RRN3: variants seen among roughly 807,000 people sequenced by gnomAD.
RRN3 encodes the protein RNA polymerase I transcription factor RRN3.
RRN3 carries 38 observed loss-of-function variants against 82.3 expected under a neutral mutation model. The observed-to-expected ratio is 0.46, with a 90% CI of 0.36 to 0.61. The LOEUF (loss-of-function observed/expected upper bound fraction) is 0.61. RRN3 is among the 20% of genes least tolerant of loss of function. The probability of loss-of-function intolerance (pLI) is 0.00; values close to 1 mark genes in which losing one functional copy is unlikely to be tolerated. For synonymous variants in RRN3, 284 were observed against 284.3 expected, an observed-to-expected ratio of 1.00 and a Z score of 0.01; for missense variants, 726 against 793.1, an observed-to-expected ratio of 0.92 and a Z score of 1.02.
In RRN3 at chr16:15,063,214, G is replaced by A. The variant is rs1383490570; in HGVS notation, c.1776C>T (p.Phe592=). 3 of 1,611,308 alleles carry A rather than the reference G, an allele frequency of 1.9e-6. No homozygotes were observed. Among genetic ancestry groups the A allele is most frequent in the South Asian group, 1.1e-5 (1 of 91,026 alleles). The part of the protein sequence containing the change: ...EDMSAEELQE[F]KKPMKKDIVE... ...AACTGACCTTTTTCATGGGTTTCTT[G>A]AACTCCTGTAGCTCTTCAGCACTCA... The change falls in exon 17 of 18, where the codon TTC becomes TTT. Residue 592 remains phenylalanine (F), a synonymous_variant. Coordinates refer to ENST00000198767, the MANE Select transcript of RRN3 (RefSeq NM_018427.5).
In RRN3 at chr16:15,074,865, T is replaced by G; in HGVS notation, c.859-4A>C. On this transcript the variant is annotated splice_polypyrimidine_tract_variant and splice_region_variant and intron_variant, in intron 10 of 17. Coordinates refer to ENST00000198767, the MANE Select transcript of RRN3 (RefSeq NM_018427.5). ...GTTCAGTTTCTTCATCTTCATCCTT[T>G]GAAGACAAAAAGTAAATACTAACAT... 9 of 1,603,664 alleles carry G rather than the reference T, an allele frequency of 5.6e-6. No homozygotes were observed. The highest frequency in any genetic ancestry group is 7.7e-6 in the Non-Finnish European group (9 of 1,175,794).
At chr16:15,088,744 A>G (rs1398723276) in intron 3 of RRN3, among the ~76,000 whole-genome samples, 1 of 152,202 alleles carries the variant, frequency 6.6e-6, no homozygotes, top group African/African-American at 2.4e-5. Flanking sequence ...AACGTTCAGT[A>G]TGGCAGGCAT....
chr16:15,086,885 A>G (rs141480657), intron 3 of RRN3, among the ~76,000 whole-genome samples: 1 of 152,198 alleles, frequency 6.6e-6, no homozygotes, highest in Non-Finnish European at 1.5e-5. Context: ...AGGCTGATCA[A>G]TTGGGGTCAT....
intron 8 of RRN3, among the ~76,000 whole-genome samples, chr16:15,083,298 C>A (rs982067679): frequency 1.3e-5 from 2 of 152,076 alleles, no homozygotes; most frequent in Non-Finnish European, 2.9e-5. Context: ...AATGGGGAGG[C>A]TGAGGCAGGA....
intron 3 of RRN3, among the ~76,000 whole-genome samples, chr16:15,089,786 CAAA>C (rs142235345): frequency 8.3e-3 from 552 of 66,518 alleles, no homozygotes; most frequent in Middle Eastern, 0.016. Context: ...GGCGACAGAG[CAAA>C]AAAAAAAAAA....
intron 9 of RRN3, among the ~76,000 whole-genome samples, chr16:15,079,586 G>C (rs2045609418): frequency 7.6e-6 from 1 of 131,562 alleles, no homozygotes; most frequent in East Asian, 2.2e-4. Flanking sequence ...TGGTGCTAGT[G>C]GTTTCTTTTC....
intron 7 of RRN3, chr16:15,083,890 A>G: frequency 3.5e-6 from 1 of 287,970 alleles, no homozygotes; most frequent in Non-Finnish European, 6.7e-6. Flanking sequence ...CTAATTTTGT[A>G]TTTTTAGTAG....
chr16:15,086,601 C>T, intron 3 of RRN3, 147 bp from the exon 4 acceptor site: 1 of 1,209,636 alleles, frequency 8.3e-7, no homozygotes, highest in Non-Finnish European at 1.1e-6. Context: ...GGTATTAAAA[C>T]AGAAAAAGAT....
chr16:15,093,960 G>T, intron 1 of RRN3, 185 bp downstream of exon 1: 1 of 624,696 alleles, frequency 1.6e-6, no homozygotes, highest in Non-Finnish European at 2.9e-6. Context: ...ACTTTTCCAG[G>T]CCCCACCCAT....
rs751460843 is a variant in RRN3 at position 15,061,862 on chromosome 16, A to T, written c.1838T>A (p.Val613Glu). 6.2e-7 allele frequency: 1 copy of T among 1,613,356 alleles called. No homozygotes were observed. Among genetic ancestry groups the T allele is most frequent in the Non-Finnish European group, 8.5e-7 (1 of 1,179,394 alleles). ...CCCAATCACGGTATCATTCTGGGGC[A>T]CTTCGCCTTTCAGAAAGTCATCATC... ...DEDDDFLKGE[V>E]PQNDTVIGIT... The change falls in exon 18 of 18, where the codon GTG becomes GAG. Residue 613 changes from valine (V) to glutamate (E), a missense_variant. By Grantham distance (121) the Val-to-Glu change is moderately radical. Around this residue, in one of 4 missense-constraint regions of RRN3, gnomAD observed 166 missense variants for 154.8 expected, o/e 1.07. Transcript: ENST00000198767.
chr16:15,070,490 C>T (rs576837013), intron 13 of RRN3, among the ~76,000 whole-genome samples: 1 of 151,920 alleles, frequency 6.6e-6, no homozygotes, highest in Non-Finnish European at 1.5e-5. Context: ...ACAGGTGAGC[C>T]CCTAAGAACG....
intron 16 of RRN3, 45 bp from the exon 17 acceptor site, chr16:15,063,328 C>A (rs765564115): frequency 1.7e-5 from 24 of 1,448,510 alleles, no homozygotes; most frequent in Non-Finnish European, 2.9e-6. Flanking sequence ...AATACTTCGG[C>A]AGAAGTCAAA....
At chr16:15,080,350 A>G (rs1398249146) in intron 8 of RRN3, among the ~76,000 whole-genome samples, 7 of 152,226 alleles carry the variant, frequency 4.6e-5, no homozygotes, top group African/African-American at 1.4e-4. Context: ...TAAAACTCAT[A>G]TATCATACAA....
At position 15,068,173 on chromosome 16, in the gene RRN3, T is replaced by C. The variant is rs1472876712; in HGVS notation, c.1549A>G (p.Thr517Ala). The C allele has an allele frequency of 7.0e-6, 11 of 1,573,214 alleles. No individual in the cohort carries two copies. The highest frequency in any genetic ancestry group is 9.5e-6 in the Non-Finnish European group (11 of 1,156,976). ...AAGAAAGCGTAAATAACTTACTTTG[T>C]GATTGCAGCAAAAAAGTTAACCACT... ...PSVVNFFAAI[T>A]NKYQLVFCYT... The change falls in exon 15 of 18, where the codon ACA (threonine) becomes GCA (alanine). Residue 517 changes from threonine to alanine, a missense_variant. Thr to Ala is a moderately conservative substitution (Grantham distance 58). Coordinates refer to ENST00000198767, the MANE Select transcript of RRN3 (RefSeq NM_018427.5).
intron 8 of RRN3, among the ~76,000 whole-genome samples, chr16:15,082,961 T>A (rs1458052602): frequency 1.3e-5 from 2 of 152,204 alleles, no homozygotes; most frequent in African/African-American, 4.8e-5. Context: ...ACTACAGATA[T>A]TCCTGAAATG....
intron 7 of RRN3, chr16:15,083,870 C>A (rs2045805019): frequency 1.3e-5 from 4 of 299,828 alleles, no homozygotes; most frequent in Admixed American, 5.1e-5. Context: ...GCATGCGCCA[C>A]CATGCCCAGC....
At chr16:15,078,873 G>A (rs1378081574) in intron 9 of RRN3, among the ~76,000 whole-genome samples, 5 of 147,826 alleles carry the variant, frequency 3.4e-5, no homozygotes, top group African/African-American at 7.5e-5. Flanking sequence ...GCGGAGTGGC[G>A]CAATCTCGGC....
At chr16:15,092,347 C>A (rs562477702) in intron 2 of RRN3, among the ~76,000 whole-genome samples, 162 bp downstream of exon 2, 4 of 152,262 alleles carry the variant, frequency 2.6e-5, no homozygotes, top group Admixed American at 2.6e-4. Flanking sequence ...AAAAAGGACA[C>A]TATTACTCTA....
In RRN3 at chr16:15,074,971, T is replaced by G. The variant is rs530308355; in HGVS notation, c.859-110A>C. Reference sequence around the variant, plus strand: ...CCCTTAAAAGATAAAACAAAGAGGCTGGGGAAAGCGGCTCACATCTATAAG... The same window carrying G: ...CCCTTAAAAGATAAAACAAAGAGGCGGGGGAAAGCGGCTCACATCTATAAG... On this transcript the variant is annotated intron_variant, in intron 10 of 17. Coordinates refer to ENST00000198767, the MANE Select transcript of RRN3 (RefSeq NM_018427.5). 16 of 1,150,802 alleles carry G rather than the reference T, an allele frequency of 1.4e-5. No homozygotes were observed. The African/African-American group carries it at 1.7e-4, about 12-fold the overall frequency. The allele number at this position is 1,150,802 out of a possible 1,614,324, so 71.3% of individuals were successfully genotyped here.
Sources: allele counts gnomAD v4.1 joint callset (sites outside exome capture counted in the v4.1 genomes callset), GRCh38; gene constraint gnomAD v4.1.1; regional missense constraint gnomAD v4.1.1; transcripts MANE v1.5; gene names NCBI Gene and HGNC (gene_info 2026-07-23, HGNC 2026-07-21).